SLC9B2: variants seen among roughly 807,000 people sequenced by gnomAD.
SLC9B2 encodes solute carrier family 9 member B2.
A neutral mutation model predicts 52.2 loss-of-function variants in SLC9B2; 39 were observed. The observed-to-expected ratio is 0.75, with a 90% CI of 0.58 to 0.98. The LOEUF (loss-of-function observed/expected upper bound fraction) is 0.98. SLC9B2 is among the 50% of genes least tolerant of loss of function. The pLI is 0.00. For missense variants in SLC9B2, 626 were observed against 637.5 expected (o/e 0.98, Z 0.19); for synonymous variants, 214 against 227.0 (o/e 0.94, Z 0.51).
intron 3 of SLC9B2, among the ~76,000 whole-genome samples, chr4:103,059,360 T>C (rs1423975710): frequency 6.6e-6 from 1 of 152,166 alleles, no homozygotes; most frequent in Non-Finnish European, 1.5e-5. Context: ...AGCAGTTCCA[T>C]CAAAATCTGA....
At chr4:103,050,180 T>C (rs1744539215) in intron 5 of SLC9B2, 60 bp downstream of exon 5, 2 of 1,418,444 alleles carry the variant, frequency 1.4e-6, no homozygotes, top group South Asian at 1.5e-5. Flanking sequence ...TTCTGTTAGA[T>C]ACCTGAAGCA....
chr4:103,073,361 C>G (rs949659071), intron 1 of SLC9B2, among the ~76,000 whole-genome samples: 1 of 152,162 alleles, frequency 6.6e-6, no homozygotes, highest in African/African-American at 2.4e-5. Context: ...CAGTCTCATA[C>G]AGTATTTCTA....
intron 9 of SLC9B2, among the ~76,000 whole-genome samples, chr4:103,041,277 G>A (rs1743617479): frequency 6.6e-6 from 1 of 152,144 alleles, no homozygotes; most frequent in African/African-American, 2.4e-5. Flanking sequence ...TGTAGATAAA[G>A]AGATTCACAT....
At chr4:103,026,939 C>T (rs983441311) in intron 11 of SLC9B2, among the ~76,000 whole-genome samples, 5 of 152,080 alleles carry the variant, frequency 3.3e-5, no homozygotes, top group Non-Finnish European at 4.4e-5. Context: ...GACAGGGTCT[C>T]GCTGTGTTGC....
intron 4 of SLC9B2, among the ~76,000 whole-genome samples, chr4:103,057,269 TATATAC>T (rs1227220775): frequency 6.6e-5 from 8 of 122,004 alleles, no homozygotes; most frequent in Non-Finnish European, 1.2e-4. Flanking sequence ...TATATATATA[TATATAC>T]ACACACACAC....
chr4:103,055,769 C>T (rs1006292850), intron 4 of SLC9B2, among the ~76,000 whole-genome samples: 4 of 151,078 alleles, frequency 2.6e-5, no homozygotes, highest in Non-Finnish European at 5.9e-5. Flanking sequence ...ACACAAAATG[C>T]CTCTGTGGTA....
Position 103,026,367 on chromosome 4 carries a change from C to A in SLC9B2, c.*3G>T, listed in dbSNP as rs1469579448. 2 of 1,606,010 alleles carry A rather than the reference C, an allele frequency of 1.2e-6. No individual in the cohort carries two copies. Among genetic ancestry groups the A allele is most frequent in the East Asian group, 4.5e-5 (2 of 44,744 alleles). On this transcript the variant is annotated 3_prime_UTR_variant, in exon 12 of 12. Coordinates refer to ENST00000394785, the MANE Select transcript of SLC9B2 (RefSeq NM_178833.7). ...TTATGTTCAGCACTCTCTCTTTTCA[C>A]CTCTAAACTTGCACAGAAGTCTCTC...
At chr4:103,057,475 T>C (rs971091832) in intron 4 of SLC9B2, among the ~76,000 whole-genome samples, 9 of 152,074 alleles carry the variant, frequency 5.9e-5, no homozygotes, top group Non-Finnish European at 1.2e-4. Context: ...GGCTAATTTT[T>C]GTATTTTTTT....
chr4:103,073,578 G>A (rs1182191125), intron 1 of SLC9B2, among the ~76,000 whole-genome samples: 1 of 152,158 alleles, frequency 6.6e-6, no homozygotes, highest in Non-Finnish European at 1.5e-5. Flanking sequence ...ACTTAGGTGT[G>A]TCAAATACAT....
At chr4:103,039,750 C>A (rs1395241270) in intron 9 of SLC9B2, among the ~76,000 whole-genome samples, 1 of 150,568 alleles carries the variant, frequency 6.6e-6, no homozygotes, top group African/African-American at 2.4e-5. Context: ...CAGGTTCAAG[C>A]AATTCTCTGC....
At chr4:103,034,508 AACAG>A (rs1347791822) in intron 9 of SLC9B2, among the ~76,000 whole-genome samples, 2 of 152,216 alleles carry the variant, frequency 1.3e-5, no homozygotes, top group Non-Finnish European at 2.9e-5. Flanking sequence ...CAATGGAGTA[AACAG>A]ACAACCTTTA....
At chr4:103,066,247 G>A in intron 3 of SLC9B2, 80 bp downstream of exon 3, 2 of 1,474,316 alleles carry the variant, frequency 1.4e-6, no homozygotes, top group Non-Finnish European at 1.8e-6. Flanking sequence ...ACTTCTTTTT[G>A]TCCTTTCAAC....
intron 4 of SLC9B2, among the ~76,000 whole-genome samples, chr4:103,052,685 G>T (rs1744790211): frequency 6.6e-6 from 1 of 151,456 alleles, no homozygotes; most frequent in Non-Finnish European, 1.5e-5. Flanking sequence ...ATGTTAAGAG[G>T]TTTTTTTGTT....
intron 1 of SLC9B2, among the ~76,000 whole-genome samples, chr4:103,074,634 AATT>A (rs1178703224): frequency 1.3e-5 from 2 of 152,196 alleles, no homozygotes. Flanking sequence ...AGTCAACAGA[AATT>A]ATTTGGATTG....
intron 10 of SLC9B2, among the ~76,000 whole-genome samples, chr4:103,030,858 A>C (rs538626758): frequency 6.6e-6 from 1 of 152,096 alleles, no homozygotes; most frequent in East Asian, 1.9e-4. Context: ...CTTTACTCCC[A>C]GCCCCTGGCA....
At chr4:103,060,549 T>G (rs1454457474) in intron 3 of SLC9B2, among the ~76,000 whole-genome samples, 5 of 151,172 alleles carry the variant, frequency 3.3e-5, no homozygotes, top group African/African-American at 4.8e-5. Flanking sequence ...TTGTTTTTTT[T>G]TTTTTTTTAG....
At chr4:103,026,699 T>A in intron 11 of SLC9B2, 108 bp from the exon 12 acceptor site, 1 of 1,011,934 alleles carries the variant, frequency 9.9e-7, no homozygotes, top group Non-Finnish European at 1.4e-6. Flanking sequence ...TTTGCTCAAC[T>A]AAGAAAGTTG....
At chr4:103,052,734 AC>A (rs1340866181) in intron 4 of SLC9B2, among the ~76,000 whole-genome samples, 1 of 148,752 alleles carries the variant, frequency 6.7e-6, no homozygotes, top group Non-Finnish European at 1.5e-5. Flanking sequence ...TTTTTTTGAG[AC>A]AGGGTCTTGA....
intron 4 of SLC9B2, among the ~76,000 whole-genome samples, chr4:103,057,295 T>TATATATATACAC (rs1560555252): frequency 4.8e-5 from 7 of 145,954 alleles, no homozygotes; most frequent in African/African-American, 1.8e-4. Flanking sequence ...CACACATATA[T>TATATATATACAC]ACACACACAC....
Sources: gnomAD v4.1 joint callset for allele counts (sites outside exome capture counted in the v4.1 genomes callset) on GRCh38, gnomAD v4.1.1 for gene constraint, MANE v1.5 for transcripts, NCBI Gene and HGNC (gene_info 2026-07-23, HGNC 2026-07-21) for gene names.